Variants in DNAH3 observed in about 807,000 individuals in gnomAD.
The protein encoded by DNAH3 is dynein axonemal heavy chain 3, also known as axonemal beta dynein heavy chain 3.
DNAH3 carries 332 observed loss-of-function variants against 432.5 expected under a neutral mutation model. The observed-to-expected ratio is 0.77, with a 90% CI of 0.70 to 0.84. DNAH3 has a LOEUF of 0.84. Ranked by LOEUF, DNAH3 falls within the 40% of genes least tolerant of loss-of-function variation. The pLI, the probability that DNAH3 is intolerant of heterozygous loss-of-function variation, is 0.00. For synonymous variants in DNAH3, 1,956 were observed against 1,900.2 expected (o/e 1.03, Z -0.76); for missense variants, 4,861 against 5,114.0 (o/e 0.95, Z 1.51).
rs1006707578 is a variant in DNAH3, at chr16:20,982,636, T to C, written c.7859+85A>G. ...CATTTGCTATATACAAATTGAGAAA[T>C]CTTCAAAACAACAACAAAAATAGAG... On this transcript the variant is annotated intron_variant, in intron 49 of 61. Coordinates refer to ENST00000261383, the Ensembl canonical transcript of DNAH3. 34 of 1,134,488 alleles carry C rather than the reference T, an allele frequency of 3.0e-5. No individual in the cohort carries two copies. In the African/African-American group the frequency reaches 4.8e-4, roughly 16 times the overall value. The allele number at this position is 1,134,488 out of a possible 1,614,324, so 70.3% of individuals were successfully genotyped here. A position where few individuals can be genotyped will look rare whatever the true frequency, so the allele number is the denominator to read the frequency against.
At chr16:21,071,009 C>T (rs1457005673) in intron 21 of DNAH3, among the ~76,000 whole-genome samples, 183 bp from the exon 22 acceptor site, 1 of 151,862 alleles carries the variant, frequency 6.6e-6, no homozygotes, top group Non-Finnish European at 1.5e-5. Context: ...CTCAGCCTCC[C>T]AAGTAGGTAG....
At chr16:20,939,052 G>A (rs1405219075) in intron 59 of DNAH3, among the ~76,000 whole-genome samples, 2 of 152,092 alleles carry the variant, frequency 1.3e-5, no homozygotes, top group South Asian at 2.1e-4. Context: ...GGTGGAGTGA[G>A]CCACGGCACC....
chr16:21,122,088 T>TC lies in DNAH3; in HGVS notation c.1440dup (p.Lys481GlufsTer13), dbSNP rs755699284. 1.2e-6 allele frequency: 2 copies of TC among 1,613,208 alleles called. No homozygotes were observed. Among genetic ancestry groups the TC allele is most frequent in the Non-Finnish European group, 1.7e-6 (2 of 1,179,652 alleles). ...ATGATTAGCTGAGGTATGAAAAACT[T>TC]CATCTCTTGGTAGGGCTCCTTAAAA... On this transcript the variant is annotated frameshift_variant, in exon 10 of 62. Coordinates refer to ENST00000261383, the Ensembl canonical transcript of DNAH3. LOFTEE classifies it high-confidence loss of function.
chr16:20,986,210 A>G (rs1490517056), intron 47 of DNAH3, among the ~76,000 whole-genome samples: 4 of 151,454 alleles, frequency 2.6e-5, no homozygotes, highest in Admixed American at 2.6e-4. Context: ...TAAAGACTAT[A>G]ATGAAAGAAC....
At position 21,138,968 on chromosome 16, in the gene DNAH3, A is replaced by C. The variant is rs2092681880; in HGVS notation, c.696+1568T>G. On this transcript the variant is annotated intron_variant, in intron 5 of 61. Coordinates refer to ENST00000261383, the Ensembl canonical transcript of DNAH3. ...GAGATAATCATAGAACCTGGGTCTC[A>C]AGTGGGGTCAAGTAGCTATAGAGGG... 2.0e-5 allele frequency among the ~76,000 whole-genome samples: 3 copies of C among 152,306 alleles called. No individual in the cohort carries two copies. In the South Asian group the frequency reaches 6.2e-4, roughly 32 times the overall value.
At chr16:21,084,255 T>C (rs975179861) in intron 19 of DNAH3, among the ~76,000 whole-genome samples, 2 of 152,162 alleles carry the variant, frequency 1.3e-5, no homozygotes, top group Admixed American at 6.6e-5. Context: ...CCCAGCACCA[T>C]AGCTGGTACT....
intron 12 of DNAH3, among the ~76,000 whole-genome samples, chr16:21,113,269 T>C (rs929608790): frequency 6.6e-6 from 1 of 152,286 alleles, no homozygotes; most frequent in Middle Eastern, 3.4e-3. Context: ...GCTGGTTTTT[T>C]CCCATGTTAT....
At chr16:21,041,550 G>T (rs562391866) in intron 32 of DNAH3, among the ~76,000 whole-genome samples, 8 of 152,246 alleles carry the variant, frequency 5.3e-5, no homozygotes, top group African/African-American at 1.7e-4. Flanking sequence ...GTAACAGGGG[G>T]TAGACCATGT....
intron 1 of DNAH3, among the ~76,000 whole-genome samples, chr16:21,154,810 A>G (rs1051107246): frequency 5.3e-5 from 8 of 152,220 alleles, no homozygotes; most frequent in African/African-American, 1.4e-4. Flanking sequence ...AAAATAAAGT[A>G]TCTGCCAAAG....
intron 53 of DNAH3, among the ~76,000 whole-genome samples, chr16:20,961,590 T>C (rs2084822252): frequency 1.3e-5 from 2 of 151,686 alleles, no homozygotes; most frequent in African/African-American, 2.4e-5. Flanking sequence ...ATGACTGATA[T>C]CCTTATGAGA....
chr16:21,024,361 T>C (rs2088425139), intron 39 of DNAH3, among the ~76,000 whole-genome samples: 1 of 151,638 alleles, frequency 6.6e-6, no homozygotes, highest in African/African-American at 2.4e-5. Context: ...CAGGGAGTGA[T>C]GGGGAAGGAG....
intron 16 of DNAH3, among the ~76,000 whole-genome samples, chr16:21,103,365 A>C (rs1307546099): frequency 2.0e-5 from 1 of 50,470 alleles, no homozygotes; most frequent in Non-Finnish European, 4.1e-5. Context: ...GGGGGGGGGC[A>C]GGGTGGGGGA....
chr16:21,132,312 CCAAT>C (rs1340379642), intron 7 of DNAH3, among the ~76,000 whole-genome samples: 2 of 152,178 alleles, frequency 1.3e-5, no homozygotes, highest in Non-Finnish European at 2.9e-5. Flanking sequence ...ATAAGTTCGG[CCAAT>C]CAAAGTTAAG....
At chr16:21,041,901 G>A (rs1156334098) in intron 32 of DNAH3, 126 bp downstream of exon 32, 1 of 1,040,648 alleles carries the variant, frequency 9.6e-7, no homozygotes, top group East Asian at 2.4e-5. Context: ...TCGAGCTCCT[G>A]ACCTCAGGTG....
At chr16:21,075,409 C>A (rs1186843943) in intron 21 of DNAH3, 38 bp downstream of exon 21, 2 of 1,371,222 alleles carry the variant, frequency 1.5e-6, no homozygotes, top group Non-Finnish European at 2.1e-6. Flanking sequence ...ATAAATGGGG[C>A]TGCTTTCAAA....
intron 1 of DNAH3, among the ~76,000 whole-genome samples, chr16:21,148,238 G>A (rs1240314254): frequency 6.6e-6 from 1 of 151,898 alleles, no homozygotes; most frequent in African/African-American, 2.4e-5. Flanking sequence ...AATAACAACA[G>A]AAAAACAACA....
At chr16:21,083,866 A>G (rs1183531486) in intron 19 of DNAH3, among the ~76,000 whole-genome samples, 1 of 152,036 alleles carries the variant, frequency 6.6e-6, no homozygotes, top group Admixed American at 6.6e-5. Context: ...CAGTCCGGAG[A>G]GTATCTAGGG....
Position 20,933,421 on chromosome 16 carries a change from G to T in DNAH3, c.12084C>A (p.Asp4028Glu), listed in dbSNP as rs2083479328. 5 of 1,614,008 alleles carry T rather than the reference G, an allele frequency of 3.1e-6. No individual in the cohort carries two copies. In the South Asian group the frequency reaches 5.5e-5, roughly 18 times the overall value. ...ATTCCCCAATCTGCATCGTTTTCCT[G>T]TCCCAACGGGCACCTTCTAAGAAGA... is the stretch of plus-strand genomic sequence containing the variant. Residue 4028 changes from aspartate (D) to glutamate (E), a missense_variant, in exon 62 of 62, where the codon GAC becomes GAA. By Grantham distance (45) the Asp-to-Glu change is conservative (BLOSUM62 2). Coordinates refer to ENST00000261383, the Ensembl canonical transcript of DNAH3.
At chr16:20,937,453 A>C (rs909578811) in intron 59 of DNAH3, among the ~76,000 whole-genome samples, 1 of 151,930 alleles carries the variant, frequency 6.6e-6, no homozygotes, top group Non-Finnish European at 1.5e-5. Context: ...CAAATTTTAA[A>C]TTATTATTAA....
Sources: allele counts gnomAD v4.1 joint callset (sites outside exome capture counted in the v4.1 genomes callset), GRCh38; gene constraint gnomAD v4.1.1; transcripts MANE v1.5; gene names NCBI Gene and HGNC (gene_info 2026-07-23, HGNC 2026-07-21).